The following SKAP1 variants were observed in gnomAD, a reference collection of about 807,000 sequenced individuals.
SKAP1 encodes src kinase associated phosphoprotein 1, also known as src kinase-associated phosphoprotein 1.
A neutral mutation model predicts 58.5 loss-of-function variants in SKAP1; 44 were observed. The observed-to-expected ratio is 0.75, with a 90% CI of 0.59 to 0.97. The LOEUF is 0.97. Among genes scored for constraint, SKAP1 ranks in the 50% least tolerant of loss-of-function variants. The pLI, the probability that SKAP1 is intolerant of heterozygous loss-of-function variation, is 0.00. For missense variants in SKAP1, 390 were observed against 435.2 expected (o/e 0.90, Z 0.92); for synonymous variants, 127 against 149.7 (o/e 0.85, Z 1.11).
chr17:48,256,271 T>G (rs1255829247), intron 4 of SKAP1, among the ~76,000 whole-genome samples: 1 of 151,812 alleles, frequency 6.6e-6, no homozygotes, highest in Non-Finnish European at 1.5e-5. Flanking sequence ...AGTAAATCAA[T>G]CCCATGTAAA....
At chr17:48,405,943 G>A (rs2067577193) in intron 1 of SKAP1, among the ~76,000 whole-genome samples, 1 of 151,776 alleles carries the variant, frequency 6.6e-6, no homozygotes, top group Non-Finnish European at 1.5e-5. Context: ...GATAACAGAA[G>A]TAAGAAGTGA....
At chr17:48,405,438 TTTC>T (rs1567902157) in intron 1 of SKAP1, among the ~76,000 whole-genome samples, 2,268 of 85,724 alleles carry the variant, frequency 0.026, 59 homozygotes, top group Middle Eastern at 0.11. Flanking sequence ...TCTTTCTTTC[TTTC>T]TTTCTTTCTT....
At chr17:48,205,101 T>G (rs1267867298) in intron 4 of SKAP1, among the ~76,000 whole-genome samples, 1 of 150,598 alleles carries the variant, frequency 6.6e-6, no homozygotes, top group Non-Finnish European at 1.5e-5. Context: ...TCTCTCTCTC[T>G]CTCTCTCTCT....
chr17:48,353,287 T>C (rs1421766078), intron 3 of SKAP1, among the ~76,000 whole-genome samples: 1 of 152,220 alleles, frequency 6.6e-6, no homozygotes, highest in Non-Finnish European at 1.5e-5. Flanking sequence ...TACTTAAATA[T>C]AGCATTGACC....
chr17:48,384,042 A>T (rs2144491491), intron 2 of SKAP1, among the ~76,000 whole-genome samples: 1 of 152,192 alleles, frequency 6.6e-6, no homozygotes, highest in South Asian at 2.1e-4. Context: ...TACCCTTTTT[A>T]AAAAGTTTGC....
chr17:48,404,271 G>A (rs1379187250), intron 1 of SKAP1, among the ~76,000 whole-genome samples: 1 of 151,906 alleles, frequency 6.6e-6, no homozygotes, highest in Non-Finnish European at 1.5e-5. Flanking sequence ...TGACCAACAT[G>A]GAGAAACCCC....
chr17:48,295,733 A>G (rs567439682), intron 4 of SKAP1: 104 of 150,730 alleles, frequency 6.9e-4, no homozygotes, highest in African/African-American at 2.5e-3. Flanking sequence ...GCTTCTTTTC[A>G]TACGTAATTC....
chr17:48,219,482 C>G (rs1308166815), intron 4 of SKAP1, among the ~76,000 whole-genome samples: 2 of 152,180 alleles, frequency 1.3e-5, no homozygotes, highest in South Asian at 4.1e-4. Context: ...AAACCCTTCC[C>G]CCTCTAGATT....
chr17:48,429,403 T>C (rs149659202), intron 1 of SKAP1, among the ~76,000 whole-genome samples: 1 of 152,296 alleles, frequency 6.6e-6, no homozygotes, highest in East Asian at 1.9e-4. Context: ...GCTTAGACAC[T>C]GTAGTTGGAA....
At chr17:48,228,199 G>A (rs1307570842) in intron 4 of SKAP1, among the ~76,000 whole-genome samples, 1 of 152,060 alleles carries the variant, frequency 6.6e-6, no homozygotes, top group Non-Finnish European at 1.5e-5. Flanking sequence ...AAGACAAAGA[G>A]AGATAGAGAG....
intron 4 of SKAP1, among the ~76,000 whole-genome samples, chr17:48,270,535 G>T (rs1416338044): frequency 6.6e-6 from 1 of 151,928 alleles, no homozygotes; most frequent in Non-Finnish European, 1.5e-5. Context: ...TAGAGATGGG[G>T]TTTCTCCATG....
intron 4 of SKAP1, among the ~76,000 whole-genome samples, chr17:48,225,664 A>G (rs1268772508): frequency 1.3e-5 from 2 of 152,140 alleles, no homozygotes; most frequent in Admixed American, 1.3e-4. Context: ...TGCAAGAGTG[A>G]CTGCTGTTTC....
At chr17:48,368,398 C>A (rs1248942583) in intron 2 of SKAP1, among the ~76,000 whole-genome samples, 1 of 152,182 alleles carries the variant, frequency 6.6e-6, no homozygotes, top group Non-Finnish European at 1.5e-5. Context: ...GAGAGTCCAA[C>A]AAGTCTGAGA....
chr17:48,210,165 G>A (rs971785713), intron 4 of SKAP1, among the ~76,000 whole-genome samples: 15 of 152,172 alleles, frequency 9.9e-5, no homozygotes, highest in Admixed American at 6.5e-5. Flanking sequence ...ATGTCAGGTA[G>A]CGACGCTTAT....
Position 48,430,144 on chromosome 17 carries a change from G to C in SKAP1, c.-24C>G, listed in dbSNP as rs2067900037. ...ATTTGGCTGGGCGGGAGAGAGGCGG[G>C]ACGGGGCGCGGGCCCTGGTCGGGAG... On this transcript the variant is annotated 5_prime_UTR_variant, in exon 1 of 13. Transcript: ENST00000336915. The C allele has an allele frequency of 2.4e-6, 3 of 1,255,246 alleles. No homozygotes were observed. The highest frequency in any genetic ancestry group is 1.0e-6 in the Non-Finnish European group (1 of 992,614). The allele number at this position is 1,255,246 out of a possible 1,614,324, so 77.8% of individuals were successfully genotyped here.
intron 2 of SKAP1, among the ~76,000 whole-genome samples, chr17:48,364,736 C>T (rs987705561): frequency 5.3e-5 from 8 of 152,150 alleles, no homozygotes; most frequent in Non-Finnish European, 1.0e-4. Flanking sequence ...TTAAGGTTGT[C>T]TAACGTTTTA....
At chr17:48,133,861 A>G (rs2063668235) in intron 12 of SKAP1, 45 bp from the exon 13 acceptor site, 1 of 152,284 alleles carries the variant, frequency 6.6e-6, no homozygotes, top group Admixed American at 6.5e-5. Context: ...GATTCAAAAT[A>G]TAGATGTATT....
chr17:48,226,866 T>G (rs2065074857), intron 4 of SKAP1, among the ~76,000 whole-genome samples: 1 of 152,194 alleles, frequency 6.6e-6, no homozygotes, highest in Non-Finnish European at 1.5e-5. Flanking sequence ...TCCACCAAGT[T>G]TGAGACATTC....
chr17:48,346,121 AT>A (rs2066720257), intron 3 of SKAP1, 115 bp from the exon 4 acceptor site: 3 of 538,874 alleles, frequency 5.6e-6, no homozygotes, highest in East Asian at 3.4e-5. Context: ...AAAAAAGTGT[AT>A]CTTTTACTGG....
Sources: allele counts gnomAD v4.1 joint callset (sites outside exome capture counted in the v4.1 genomes callset), GRCh38; gene constraint gnomAD v4.1.1; transcripts MANE v1.5; gene names NCBI Gene and HGNC (gene_info 2026-07-23, HGNC 2026-07-21).